Variants in SEPTIN14 observed in about 807,000 individuals in gnomAD.
The protein encoded by SEPTIN14 is septin-14.
In SEPTIN14, 40 loss-of-function variants were observed where a neutral mutation model predicts 53.6. The observed-to-expected ratio is 0.75, with a 90% CI of 0.58 to 0.97. SEPTIN14 has a LOEUF of 0.97. Ranked by LOEUF, SEPTIN14 falls within the 50% of genes least tolerant of loss-of-function variation. The pLI is 0.00. For missense variants in SEPTIN14, 471 were observed against 508.2 expected (o/e 0.93, Z 0.70); for synonymous variants, 138 against 166.8 (o/e 0.83, Z 1.33).
At chr7:55,848,765 G>T (rs572638873) in intron 2 of SEPTIN14, among the ~76,000 whole-genome samples, 22 of 151,456 alleles carry the variant, frequency 1.5e-4, no homozygotes, top group Non-Finnish European at 2.8e-4. Context: ...CTGCCACTAC[G>T]CCCGGCTAAT....
intron 5 of SEPTIN14, among the ~76,000 whole-genome samples, chr7:55,836,829 G>C (rs1464783518): frequency 6.6e-6 from 1 of 152,118 alleles, no homozygotes; most frequent in African/African-American, 2.4e-5. Flanking sequence ...AATTTAACTA[G>C]AAATCTAATT....
intron 9 of SEPTIN14, among the ~76,000 whole-genome samples, chr7:55,801,672 C>T (rs1788523984): frequency 1.3e-5 from 2 of 152,108 alleles, no homozygotes; most frequent in African/African-American, 4.8e-5. Context: ...GCAATCCCAG[C>T]AGTTTAGGAG....
In SEPTIN14 at chr7:55,834,527, C is replaced by T. The variant is rs775456195; in HGVS notation, c.618G>A (p.Thr206=). ...ADTISKNDLQ[T]FKNKIMSELI... ...ATTCACTCATTATCTTATTCTTAAACGTCTGTAAATCATTTTTAGAAATAG... is the reference window on the plus strand; with the variant it reads ...ATTCACTCATTATCTTATTCTTAAATGTCTGTAAATCATTTTTAGAAATAG... The change falls in exon 6 of 10, where the codon ACG becomes ACA. Residue 206 remains threonine, a synonymous_variant. Transcript: ENST00000388975. The T allele has an allele frequency of 3.1e-6, 5 of 1,610,552 alleles. No individual in the cohort carries two copies. The East Asian group carries it at 6.7e-5, about 22-fold the overall frequency.
At chr7:55,832,591 C>G (rs968704474) in intron 6 of SEPTIN14, among the ~76,000 whole-genome samples, 3 of 152,132 alleles carry the variant, frequency 2.0e-5, no homozygotes, top group African/African-American at 7.2e-5. Context: ...AAATCATGCT[C>G]TGTGCAGTAA....
rs138592586 is a variant in SEPTIN14, at chr7:55,805,352, T to C, written c.1025A>G (p.Tyr342Cys). 4.4e-5 allele frequency: 71 copies of C among 1,599,894 alleles called. No individual in the cohort carries two copies. The African/African-American group carries it at 7.5e-4, about 17-fold the overall frequency. The change falls in exon 9 of 10, where the codon TAT becomes TGT. Residue 342 changes from tyrosine to cysteine, a missense_variant. By Grantham distance (194) the Tyr-to-Cys change is radical. Transcript: ENST00000388975. ...TTCTTCTTCCCTCTGACATTGATCA[T>C]AGAACTCTTGTCTTTTGGCTTCAAA... ...EIFEAKRQEF[Y>C]DQCQREEEEL...
intron 6 of SEPTIN14, among the ~76,000 whole-genome samples, chr7:55,829,659 T>C (rs1310992456): frequency 6.6e-6 from 1 of 151,626 alleles, no homozygotes; most frequent in Non-Finnish European, 1.5e-5. Flanking sequence ...CTGCAGACCT[T>C]CCACCCAGAG....
chr7:55,796,325 G>T (rs529069732), intron 9 of SEPTIN14, among the ~76,000 whole-genome samples: 1 of 151,464 alleles, frequency 6.6e-6, no homozygotes, highest in Non-Finnish European at 1.5e-5. Flanking sequence ...GTGCAGTGGC[G>T]CGATCTCAGC....
At chr7:55,803,420 CA>C (rs775640929) in intron 9 of SEPTIN14, among the ~76,000 whole-genome samples, 3 of 151,096 alleles carry the variant, frequency 2.0e-5, no homozygotes, top group Non-Finnish European at 4.4e-5. Context: ...TAAGTATTTA[CA>C]AAAAAAGGTA....
At chr7:55,801,408 T>G (rs1788520950) in intron 9 of SEPTIN14, among the ~76,000 whole-genome samples, 3 of 151,874 alleles carry the variant, frequency 2.0e-5, no homozygotes, top group Admixed American at 2.0e-4. Flanking sequence ...CTATGAAAAA[T>G]TATAAGCCAA....
At chr7:55,819,299 A>G in intron 6 of SEPTIN14, 76 bp from the exon 7 acceptor site, 2 of 1,118,310 alleles carry the variant, frequency 1.8e-6, no homozygotes, top group Non-Finnish European at 2.6e-6. Context: ...TTCCTGTTAT[A>G]AAAATGACAG....
intron 4 of SEPTIN14, among the ~76,000 whole-genome samples, chr7:55,843,495 A>G (rs960524335): frequency 6.6e-6 from 1 of 152,230 alleles, no homozygotes; most frequent in Non-Finnish European, 1.5e-5. Context: ...AGGCAAAACC[A>G]CAATGAGATA....
At chr7:55,818,472 CAAAAAAAA>C (rs61089405) in intron 7 of SEPTIN14, among the ~76,000 whole-genome samples, 3 of 86,302 alleles carry the variant, frequency 3.5e-5, no homozygotes, top group African/African-American at 1.4e-4. Context: ...AACTCTGTCT[CAAAAAAAA>C]AAAAAAAAAA....
intron 6 of SEPTIN14, among the ~76,000 whole-genome samples, chr7:55,819,632 A>T (rs1340609573): frequency 6.6e-6 from 1 of 152,138 alleles, no homozygotes; most frequent in Non-Finnish European, 1.5e-5. Context: ...TAATAAATTT[A>T]ATTAGACAGG....
chr7:55,825,632 C>A (rs992667247), intron 6 of SEPTIN14, among the ~76,000 whole-genome samples: 23 of 152,202 alleles, frequency 1.5e-4, no homozygotes, highest in Admixed American at 1.5e-3. Flanking sequence ...TTTCTACAAC[C>A]ATAAAACTAC....
rs201379150 is a variant in SEPTIN14 at position 55,833,394 on chromosome 7, TAAC to T, written c.720+1028_720+1030del. ...CACACAAATAGCAGAAGGAAAGAAA[TAAC>T]AAAGATTAGAGCATAAATAAATGAA... is the stretch of plus-strand genomic sequence containing the variant. On this transcript the variant is annotated intron_variant, in intron 6 of 9. Coordinates refer to ENST00000388975, the MANE Select transcript of SEPTIN14 (RefSeq NM_207366.3). Among the ~76,000 whole-genome samples, 452 of 149,266 alleles carry T rather than the reference TAAC, an allele frequency of 3.0e-3. 6 individuals are homozygous for T. Among genetic ancestry groups the T allele is most frequent in the Admixed American group, 0.028 (410 of 14,850 alleles).
intron 6 of SEPTIN14, among the ~76,000 whole-genome samples, chr7:55,829,820 C>CAAAAAAAAAA (rs35998043): frequency 2.7e-5 from 1 of 37,620 alleles, no homozygotes; most frequent in African/African-American, 1.1e-4. Context: ...GACTCCATCT[C>CAAAAAAAAAA]AAAAAAAAAA....
intron 2 of SEPTIN14, among the ~76,000 whole-genome samples, chr7:55,856,492 A>G (rs1442786714): frequency 1.3e-5 from 2 of 151,830 alleles, no homozygotes; most frequent in Admixed American, 1.3e-4. Flanking sequence ...CCCAGGTTCA[A>G]GCGATTCTCC....
intron 2 of SEPTIN14, among the ~76,000 whole-genome samples, chr7:55,848,607 ATTTTTTTTTT>A (rs34269322): frequency 9.1e-6 from 1 of 110,270 alleles, no homozygotes; most frequent in Non-Finnish European, 1.8e-5. Context: ...ACTAACAGAG[ATTTTTTTTTT>A]TTTTTTTTTT....
chr7:55,794,011 A>C lies in SEPTIN14; in HGVS notation c.*1902T>G, dbSNP rs1448742279. The C allele has an allele frequency of 6.6e-6, 1 of 152,186 alleles. No individual in the cohort carries two copies. Among genetic ancestry groups the C allele is most frequent in the Non-Finnish European group, 1.5e-5 (1 of 68,016 alleles). The allele number at this position is 152,186 out of a possible 1,614,324, so 9.4% of individuals were successfully genotyped here. Reference sequence around the variant, plus strand: ...ATATTTACTTATAAAGTTAAAAGTTATATGGAAAACCAACACTAATTTTTT... The same window carrying C: ...ATATTTACTTATAAAGTTAAAAGTTCTATGGAAAACCAACACTAATTTTTT... On this transcript the variant is annotated 3_prime_UTR_variant, in exon 10 of 10. Transcript: ENST00000388975.
Sources: allele counts gnomAD v4.1 joint callset (sites outside exome capture counted in the v4.1 genomes callset), GRCh38; gene constraint gnomAD v4.1.1; transcripts MANE v1.5; gene names NCBI Gene and HGNC (gene_info 2026-07-23, HGNC 2026-07-21).